EML6: variants seen among roughly 807,000 people sequenced by gnomAD.
EML6 encodes the protein echinoderm microtubule-associated protein-like 6.
Under a neutral mutation model 240.1 loss-of-function variants are expected in EML6, and 154 were observed. That is an observed-to-expected ratio of 0.64 (90% CI 0.56 to 0.73). The LOEUF is 0.73. EML6 is among the 30% of genes least tolerant of loss of function. The pLI is 0.00. For missense variants in EML6, 2,964 were observed against 2,474.6 expected (o/e 1.20, Z -4.20); for synonymous variants, 1,148 against 899.0 (o/e 1.28, Z -4.95).
chr2:54,886,224 GGC>G (rs1301468692), intron 17 of EML6, among the ~76,000 whole-genome samples: 3 of 141,788 alleles, frequency 2.1e-5, no homozygotes, highest in Non-Finnish European at 3.0e-5. Context: ...GGAGTGCAGT[GGC>G]GTGATCTTGG....
intron 28 of EML6, among the ~76,000 whole-genome samples, chr2:54,929,857 C>G (rs1341961270): frequency 6.6e-6 from 1 of 152,126 alleles, no homozygotes. Context: ...TTACAAAGAT[C>G]CAGAGCTTTC....
intron 12 of EML6, among the ~76,000 whole-genome samples, chr2:54,860,377 GAGA>G (rs1192756567): frequency 2.0e-5 from 3 of 152,174 alleles, no homozygotes. Flanking sequence ...GAGCAGTTCT[GAGA>G]AGGAGCTTAA....
intron 29 of EML6, among the ~76,000 whole-genome samples, chr2:54,950,041 G>T (rs1558718126): frequency 6.6e-6 from 1 of 152,242 alleles, no homozygotes; most frequent in Non-Finnish European, 1.5e-5. Flanking sequence ...TGCCTGAGAG[G>T]TCTGTGTTGG....
intron 2 of EML6, among the ~76,000 whole-genome samples, chr2:54,770,080 T>C (rs1668344041): frequency 6.6e-6 from 1 of 152,228 alleles, no homozygotes; most frequent in Non-Finnish European, 1.5e-5. Flanking sequence ...GTAAAATTGA[T>C]AGTCTATCAG....
chr2:54,963,977 T>G lies in EML6; in HGVS notation c.5158-9T>G. 1 of 1,544,698 alleles carries G rather than the reference T, an allele frequency of 6.5e-7. No homozygotes were observed. Among genetic ancestry groups the G allele is most frequent in the Non-Finnish European group, 8.7e-7 (1 of 1,143,854 alleles). ...AGAGCTCAGGTGACTTTCCTTTGCA[T>G]CAATGTAGAAGCTGTTAAACAAGGT... is the stretch of plus-strand genomic sequence containing the variant. On this transcript the variant is annotated splice_polypyrimidine_tract_variant and intron_variant, in intron 36 of 41. Transcript: ENST00000356458.
At chr2:54,792,735 C>G (rs796667280) in intron 2 of EML6, among the ~76,000 whole-genome samples, 3 of 151,978 alleles carry the variant, frequency 2.0e-5, no homozygotes, top group African/African-American at 7.3e-5. Flanking sequence ...TTTTTTATAC[C>G]TAATACTATG....
chr2:54,776,989 T>A (rs939359179), intron 2 of EML6, among the ~76,000 whole-genome samples: 1 of 152,204 alleles, frequency 6.6e-6, no homozygotes, highest in African/African-American at 2.4e-5. Flanking sequence ...GTTCATTGAG[T>A]CTACTTTGTT....
At chr2:54,854,745 C>T (rs1419409926) in intron 11 of EML6, among the ~76,000 whole-genome samples, 1 of 152,246 alleles carries the variant, frequency 6.6e-6, no homozygotes, top group African/African-American at 2.4e-5. Flanking sequence ...GACACCATCA[C>T]TGAAACATCA....
intron 2 of EML6, among the ~76,000 whole-genome samples, chr2:54,765,294 G>T (rs1257958949): frequency 6.6e-6 from 1 of 152,058 alleles, no homozygotes; most frequent in Non-Finnish European, 1.5e-5. Flanking sequence ...AGTATGGATT[G>T]ACATAATTTT....
At chr2:54,841,586 C>CA (rs1669455923) in intron 7 of EML6, among the ~76,000 whole-genome samples, 1 of 118,918 alleles carries the variant, frequency 8.4e-6, no homozygotes. Context: ...TTTGTCTTGG[C>CA]TTTTTTTTTT....
At chr2:54,962,966 T>G (rs1676588666) in intron 36 of EML6, among the ~76,000 whole-genome samples, 1 of 152,240 alleles carries the variant, frequency 6.6e-6, no homozygotes, top group Non-Finnish European at 1.5e-5. Flanking sequence ...ATGTTTTCCC[T>G]GGATGAGAAG....
rs185947127 is a variant in EML6, at chr2:54,950,499, C to A, written c.4084-151C>A. The A allele has an allele frequency of 5.8e-5, 48 of 823,530 alleles. No homozygotes were observed. In the East Asian group the frequency reaches 1.4e-3, roughly 23 times the overall value. The allele number at this position is 823,530 out of a possible 1,614,324, so 51.0% of individuals were successfully genotyped here. On this transcript the variant is annotated intron_variant, in intron 29 of 41. Coordinates refer to ENST00000356458, the MANE Select transcript of EML6 (RefSeq NM_001039753.4). ...GGGCTGCATTTTCTCCTCAGCCAGT[C>A]AAGAAGCAAAATGTTTTCAGTGAGT...
chr2:54,729,871 G>A (rs183275847), intron 2 of EML6, among the ~76,000 whole-genome samples: 3 of 152,262 alleles, frequency 2.0e-5, no homozygotes, highest in Middle Eastern at 3.4e-3. Flanking sequence ...TCCCCAGCTC[G>A]GCCAGGCTAA....
chr2:54,751,031 A>G (rs1684141385), intron 2 of EML6, among the ~76,000 whole-genome samples: 1 of 152,228 alleles, frequency 6.6e-6, no homozygotes, highest in African/African-American at 2.4e-5. Flanking sequence ...GAAAGCCTGG[A>G]AAATAATAGG....
chr2:54,893,823 T>C (rs1672610460), intron 19 of EML6, among the ~76,000 whole-genome samples: 1 of 152,194 alleles, frequency 6.6e-6, no homozygotes. Context: ...ACGGTTGTTT[T>C]GCTGGCAAAG....
At chr2:54,828,885 C>CT (rs1668725722) in intron 6 of EML6, among the ~76,000 whole-genome samples, 1 of 152,144 alleles carries the variant, frequency 6.6e-6, no homozygotes, top group South Asian at 2.1e-4. Context: ...CAAGTGATAC[C>CT]TTTGTGAGCT....
In EML6 at chr2:54,968,207, G is replaced by A. The variant is rs769240221; in HGVS notation, c.5677G>A (p.Ala1893Thr). ...TGTCAACTGCGCATGTGTGACCCAC[G>A]CTGGCCTGAACATTGTCACAGGAGA... Reference protein sequence around the residue: ...ADVNCACVTHAGLNIVTGDDF... With the variant: ...ADVNCACVTHTGLNIVTGDDF... Residue 1893 changes from alanine to threonine, a missense_variant, in exon 40 of 42, where the codon GCT becomes ACT. Coordinates refer to ENST00000356458, the MANE Select transcript of EML6 (RefSeq NM_001039753.4). 3.9e-6 allele frequency: 6 copies of A among 1,551,742 alleles called. No individual in the cohort carries two copies. The highest frequency in any genetic ancestry group is 4.4e-6 in the Non-Finnish European group (5 of 1,146,994).
rs1453034582 is a variant in EML6 at position 54,969,931 on chromosome 2, C to A, written c.5853-140C>A. The A allele has an allele frequency of 3.7e-5, 31 of 839,222 alleles. 1 individual carries two copies. In the Middle Eastern group the frequency reaches 1.3e-3, roughly 36 times the overall value. The allele number at this position is 839,222 out of a possible 1,614,324, so 52.0% of individuals were successfully genotyped here. On this transcript the variant is annotated intron_variant, in intron 41 of 41. Coordinates refer to ENST00000356458, the MANE Select transcript of EML6 (RefSeq NM_001039753.4). The stretch of plus-strand genomic sequence containing the variant: ...TAGATCTTAATTTGGTGGCAAGATC[C>A]CTGGTTTACCTTTTGAAGTCAAAAT...
chr2:54,959,392 C>G, intron 34 of EML6, 131 bp downstream of exon 34: 2 of 856,166 alleles, frequency 2.3e-6, no homozygotes, highest in South Asian at 1.9e-5. Flanking sequence ...GAAGATCAGT[C>G]TGCTCTCTCT....
Sources: gnomAD v4.1 joint callset for allele counts (sites outside exome capture counted in the v4.1 genomes callset) on GRCh38, gnomAD v4.1.1 for gene constraint, MANE v1.5 for transcripts, NCBI Gene and HGNC (gene_info 2026-07-23, HGNC 2026-07-21) for gene names.